PLCB4: variants seen among roughly 807,000 people sequenced by gnomAD.
PLCB4 encodes 1-phosphatidylinositol 4,5-bisphosphate phosphodiesterase beta-4.
A neutral mutation model predicts 178.8 loss-of-function variants in PLCB4; 77 were observed. The observed-to-expected ratio is 0.43, with a 90% CI of 0.36 to 0.52. The LOEUF (loss-of-function observed/expected upper bound fraction) is 0.52. Ranked by LOEUF, PLCB4 falls within the 20% of genes least tolerant of loss-of-function variation. PLCB4 has a pLI of 0.00. For missense variants in PLCB4, 1,024 were observed against 1,453.4 expected (o/e 0.70, Z 4.80); for synonymous variants, 496 against 490.8 (o/e 1.01, Z -0.14).
chr20:9,188,537 G>T (rs1409015985), intron 2 of PLCB4, among the ~76,000 whole-genome samples: 1 of 139,792 alleles, frequency 7.2e-6, no homozygotes, highest in East Asian at 2.1e-4. Context: ...TGACATTCTG[G>T]GTTGGTTAAC....
chr20:9,318,265 GT>G (rs2094922353), intron 4 of PLCB4, among the ~76,000 whole-genome samples: 1 of 151,798 alleles, frequency 6.6e-6, no homozygotes, highest in East Asian at 1.9e-4. Flanking sequence ...TAGTTTAGGG[GT>G]TTTTTAAAGG....
At chr20:9,084,383 T>G (rs1479819965) in intron 1 of PLCB4, among the ~76,000 whole-genome samples, 1 of 152,208 alleles carries the variant, frequency 6.6e-6, no homozygotes, top group African/African-American at 2.4e-5. Context: ...GCTATCAATG[T>G]AAGTCCTGGG....
At chr20:9,169,348 G>A (rs2093026260) in intron 2 of PLCB4, among the ~76,000 whole-genome samples, 1 of 151,636 alleles carries the variant, frequency 6.6e-6, no homozygotes, top group South Asian at 2.1e-4. Context: ...AGCACTCTGG[G>A]AGGCCGAAGC....
intron 2 of PLCB4, among the ~76,000 whole-genome samples, chr20:9,136,671 A>G (rs2092390158): frequency 6.6e-6 from 1 of 152,100 alleles, no homozygotes; most frequent in Non-Finnish European, 1.5e-5. Flanking sequence ...AGAATTGCAA[A>G]TGGGTGTAAG....
At chr20:9,158,112 G>A (rs772835029) in intron 2 of PLCB4, among the ~76,000 whole-genome samples, 8 of 152,078 alleles carry the variant, frequency 5.3e-5, no homozygotes, top group Non-Finnish European at 7.4e-5. Flanking sequence ...AAAGTCACAC[G>A]GCAAGGAAGT....
intron 4 of PLCB4, among the ~76,000 whole-genome samples, chr20:9,326,802 C>T (rs2030667408): frequency 6.6e-6 from 1 of 152,082 alleles, no homozygotes; most frequent in Non-Finnish European, 1.5e-5. Flanking sequence ...GTGCAGAAAC[C>T]ACATTTTCAA....
At chr20:9,331,010 A>G (rs769377069) in intron 4 of PLCB4, among the ~76,000 whole-genome samples, 4 of 152,206 alleles carry the variant, frequency 2.6e-5, no homozygotes, top group African/African-American at 7.2e-5. Context: ...GTGAGTCGGT[A>G]TCAGTTTTCC....
At chr20:9,327,396 G>A (rs1454169009) in intron 4 of PLCB4, among the ~76,000 whole-genome samples, 5 of 151,228 alleles carry the variant, frequency 3.3e-5, no homozygotes, top group African/African-American at 1.2e-4. Context: ...GCGGTGCTAT[G>A]ATTGTACCAG....
chr20:9,154,327 C>T (rs1404196477), intron 2 of PLCB4, among the ~76,000 whole-genome samples: 1 of 152,176 alleles, frequency 6.6e-6, no homozygotes, highest in Non-Finnish European at 1.5e-5. Context: ...TTTTGGGCAA[C>T]TGCCTGAATA....
intron 2 of PLCB4, among the ~76,000 whole-genome samples, chr20:9,182,325 C>G (rs2093260198): frequency 6.6e-6 from 1 of 152,102 alleles, no homozygotes; most frequent in Non-Finnish European, 1.5e-5. Context: ...TTCTGGGGCT[C>G]TCACAGTTAA....
intron 3 of PLCB4, among the ~76,000 whole-genome samples, chr20:9,289,399 A>G (rs951864191): frequency 5.9e-5 from 9 of 152,100 alleles, no homozygotes; most frequent in Admixed American, 1.3e-4. Flanking sequence ...AAAGTGAATA[A>G]TGATTTTATA....
At chr20:9,408,160 G>A (rs2039584594) in intron 22 of PLCB4, 102 bp downstream of exon 22, 4 of 971,546 alleles carry the variant, frequency 4.1e-6, no homozygotes, top group Admixed American at 4.6e-5. Context: ...TTGTGGGCAT[G>A]GGGGCTGTTC....
At chr20:9,235,360 G>T (rs1293534803) in intron 3 of PLCB4, among the ~76,000 whole-genome samples, 1 of 152,194 alleles carries the variant, frequency 6.6e-6, no homozygotes, top group East Asian at 1.9e-4. Context: ...AGTCAAGGGT[G>T]TTGACCTCAC....
chr20:9,404,604 CAAAAA>C, intron 20 of PLCB4, among the ~76,000 whole-genome samples: 1 of 65,722 alleles, frequency 1.5e-5, no homozygotes. Flanking sequence ...GACTGTGTCT[CAAAAA>C]AAAAAAAAAA....
intron 1 of PLCB4, among the ~76,000 whole-genome samples, chr20:9,073,567 G>A (rs1228846806): frequency 6.6e-6 from 1 of 152,044 alleles, no homozygotes; most frequent in African/African-American, 2.4e-5. Context: ...GTACTTTTAG[G>A]TATTTAATTT....
chr20:9,265,520 G>A (rs1489205974), intron 3 of PLCB4, among the ~76,000 whole-genome samples: 2 of 151,922 alleles, frequency 1.3e-5, no homozygotes, highest in Non-Finnish European at 2.9e-5. Flanking sequence ...ACAAGCAACC[G>A]ATGACCAGCA....
intron 12 of PLCB4, among the ~76,000 whole-genome samples, chr20:9,374,057 A>G (rs1483949344): frequency 6.6e-6 from 1 of 152,234 alleles, no homozygotes; most frequent in Non-Finnish European, 1.5e-5. Flanking sequence ...TTATCTTAAG[A>G]AAAGATAAAA....
chr20:9,303,694 T>G (rs755955926), intron 3 of PLCB4, among the ~76,000 whole-genome samples: 35 of 152,146 alleles, frequency 2.3e-4, no homozygotes, highest in Non-Finnish European at 4.3e-4. Flanking sequence ...ATCTTTCCAG[T>G]AAATACCCAG....
chr20:9,377,713 G>C (rs1276541128), intron 12 of PLCB4, among the ~76,000 whole-genome samples: 7 of 152,166 alleles, frequency 4.6e-5, no homozygotes. Context: ...TTTTGCCATA[G>C]GCAGGATGGT....
Sources: gnomAD v4.1 joint callset for allele counts (sites outside exome capture counted in the v4.1 genomes callset) on GRCh38, gnomAD v4.1.1 for gene constraint, MANE v1.5 for transcripts, NCBI Gene and HGNC (gene_info 2026-07-23, HGNC 2026-07-21) for gene names.